The following ITGA2 variants were observed in gnomAD, a reference collection of about 807,000 sequenced individuals.
ITGA2 encodes integrin alpha-2.
Under a neutral mutation model 146.3 loss-of-function variants are expected in ITGA2, and 101 were observed. That is an observed-to-expected ratio of 0.69 (90% CI 0.59 to 0.81). The LOEUF is 0.81. Ranked by LOEUF, ITGA2 falls within the 40% of genes least tolerant of loss-of-function variation. The probability of loss-of-function intolerance (pLI) is 0.00; values close to 1 mark genes in which losing one functional copy is unlikely to be tolerated. For synonymous variants in ITGA2, 477 were observed against 487.1 expected (o/e 0.98, Z 0.27); for missense variants, 1,281 against 1,402.7 (o/e 0.91, Z 1.39).
At chr5:52,989,962 T>G (rs1740850966) in intron 1 of ITGA2, 2 of 215,384 alleles carry the variant, frequency 9.3e-6, no homozygotes, top group African/African-American at 2.2e-5. Context: ...ACCAGGGAAA[T>G]CCGGAATCCA....
intron 1 of ITGA2, among the ~76,000 whole-genome samples, chr5:53,016,253 A>G (rs1043034005): frequency 3.3e-5 from 5 of 152,104 alleles, no homozygotes; most frequent in African/African-American, 1.2e-4. Flanking sequence ...GCACCCCCTT[A>G]AGGACCTCCT....
chr5:53,002,639 C>T (rs1482956290), intron 1 of ITGA2, among the ~76,000 whole-genome samples: 1 of 152,082 alleles, frequency 6.6e-6, no homozygotes. Flanking sequence ...ATTTTGCCCC[C>T]CACTGTAAAT....
chr5:53,065,159 TATC>T (rs1745086270), intron 14 of ITGA2, 44 bp downstream of exon 14: 17 of 1,556,348 alleles, frequency 1.1e-5, no homozygotes, highest in Non-Finnish European at 1.5e-5. Flanking sequence ...TTGTGGGTCT[TATC>T]ATATTAGACA....
At chr5:53,058,238 C>A in intron 10 of ITGA2, 137 bp downstream of exon 10, 1 of 720,134 alleles carries the variant, frequency 1.4e-6, no homozygotes, top group Non-Finnish European at 2.5e-6. Flanking sequence ...CATTTAGTTT[C>A]TTTGTGCTGC....
chr5:53,051,061 A>G (rs540123756), intron 6 of ITGA2, among the ~76,000 whole-genome samples: 19 of 152,312 alleles, frequency 1.2e-4, no homozygotes, highest in African/African-American at 4.6e-4. Context: ...TAGAAAGTTT[A>G]TTTATATCAA....
Position 53,051,557 on chromosome 5 carries a change from A to G in ITGA2, c.777A>G (p.Ala259=). The G allele has an allele frequency of 6.2e-7, 1 of 1,613,374 alleles. No individual in the cohort carries two copies. The highest frequency in any genetic ancestry group is 8.5e-7 in the Non-Finnish European group (1 of 1,179,506). Residue 259 remains alanine (A), a splice_region_variant and synonymous_variant, in exon 7 of 30, where the codon GCA becomes GCG. Coordinates refer to ENST00000296585, the MANE Select transcript of ITGA2 (RefSeq NM_002203.4). The part of the protein sequence containing the change: ...LTNTFGAIQY[A]RKYAYSAASG... The stretch of plus-strand genomic sequence containing the variant: ...ACACATTCGGAGCAATTCAATATGC[A>G]AGGTAAGTTTTGGTGCTAATAGGCC...
intron 14 of ITGA2, 78 bp from the exon 15 acceptor site, chr5:53,065,763 A>G (rs758164465): frequency 1.3e-6 from 2 of 1,579,600 alleles, no homozygotes; most frequent in Non-Finnish European, 1.7e-6. Flanking sequence ...TAGAAAATAT[A>G]ATAATGAAAT....
chr5:53,055,828 G>C, intron 8 of ITGA2, 140 bp downstream of exon 8: 1 of 1,269,454 alleles, frequency 7.9e-7, no homozygotes, highest in Non-Finnish European at 1.1e-6. Flanking sequence ...TCTGCTTCTT[G>C]ATGATTTTCA....
intron 11 of ITGA2, 142 bp downstream of exon 11, chr5:53,060,154 C>T: frequency 1.1e-6 from 1 of 882,520 alleles, no homozygotes; most frequent in Non-Finnish European, 1.8e-6. Flanking sequence ...TATGTTGTCT[C>T]TTTGCCAATC....
intron 3 of ITGA2, 103 bp downstream of exon 3, chr5:53,042,324 T>C: frequency 1.2e-6 from 1 of 825,920 alleles, no homozygotes; most frequent in Non-Finnish European, 2.1e-6. Context: ...ACAGACAGCT[T>C]TTTTTTGCCC....
intron 25 of ITGA2, 129 bp from the exon 26 acceptor site, chr5:53,081,463 T>G (rs899691650): frequency 2.8e-6 from 2 of 725,582 alleles, no homozygotes; most frequent in African/African-American, 3.5e-5. Context: ...GCCAGGTCAG[T>G]GGCGTTGAAA....
intron 28 of ITGA2, 42 bp downstream of exon 28, chr5:53,087,083 G>A (rs1746194110): frequency 7.2e-7 from 1 of 1,379,642 alleles, no homozygotes; most frequent in African/African-American, 1.4e-5. Context: ...CAGGGTCTGT[G>A]ATGGCATTCC....
At chr5:53,073,684 C>A (rs1048221869) in intron 20 of ITGA2, among the ~76,000 whole-genome samples, 12 of 151,734 alleles carry the variant, frequency 7.9e-5, no homozygotes, top group African/African-American at 2.9e-4. Flanking sequence ...GATCATTATA[C>A]CAGGAGCACA....
chr5:53,027,296 G>C (rs1742995153), intron 2 of ITGA2, among the ~76,000 whole-genome samples: 1 of 152,070 alleles, frequency 6.6e-6, no homozygotes, highest in Admixed American at 6.5e-5. Flanking sequence ...CTTTAGCAAG[G>C]TTTTGTCTAC....
At chr5:53,066,841 A>G (rs1389295273) in intron 15 of ITGA2, among the ~76,000 whole-genome samples, 4 of 151,942 alleles carry the variant, frequency 2.6e-5, no homozygotes, top group Non-Finnish European at 5.9e-5. Context: ...TCAGAGTAGC[A>G]TATCAAGAGT....
intron 28 of ITGA2, among the ~76,000 whole-genome samples, chr5:53,087,289 G>A (rs981767394): frequency 6.6e-6 from 1 of 152,148 alleles, no homozygotes; most frequent in African/African-American, 2.4e-5. Flanking sequence ...TAGAGGTGGT[G>A]ATCCAGTGAG....
intron 1 of ITGA2, among the ~76,000 whole-genome samples, chr5:52,994,046 A>G (rs1741101345): frequency 6.6e-6 from 1 of 152,166 alleles, no homozygotes; most frequent in Non-Finnish European, 1.5e-5. Flanking sequence ...TCATGAGACA[A>G]TAGACTCTGT....
chr5:53,029,558 C>T (rs1304426156), intron 2 of ITGA2, among the ~76,000 whole-genome samples: 2 of 152,200 alleles, frequency 1.3e-5, no homozygotes, highest in Non-Finnish European at 2.9e-5. Context: ...CCTCATAGAC[C>T]TTTCAGAGCA....
At chr5:53,002,950 T>A (rs1741657522) in intron 1 of ITGA2, among the ~76,000 whole-genome samples, 3 of 152,070 alleles carry the variant, frequency 2.0e-5, no homozygotes, top group South Asian at 4.1e-4. Flanking sequence ...TGAAAAAAAA[T>A]ATTTTTAGAT....
Sources: gnomAD v4.1 joint callset for allele counts (sites outside exome capture counted in the v4.1 genomes callset) on GRCh38, gnomAD v4.1.1 for gene constraint, MANE v1.5 for transcripts, NCBI Gene and HGNC (gene_info 2026-07-23, HGNC 2026-07-21) for gene names.